The following STK32C variants were observed in gnomAD, a reference collection of about 807,000 sequenced individuals.
The protein encoded by STK32C is serine/threonine kinase 32C.
STK32C carries 31 observed loss-of-function variants against 56.5 expected under a neutral mutation model. The observed-to-expected ratio is 0.55, with a 90% CI of 0.41 to 0.74. The LOEUF is 0.74. Ranked by LOEUF, STK32C falls within the 30% of genes least tolerant of loss-of-function variation. STK32C has a pLI of 0.00. For synonymous variants in STK32C, 309 were observed against 289.4 expected, an observed-to-expected ratio of 1.07 and a Z score of -0.69; for missense variants, 544 against 676.9, an observed-to-expected ratio of 0.80 and a Z score of 2.18.
intron 1 of STK32C, among the ~76,000 whole-genome samples, chr10:132,246,995 A>G (rs2063716723): frequency 6.6e-6 from 1 of 152,118 alleles, no homozygotes; most frequent in Admixed American, 6.5e-5. Context: ...CATTTCACCT[A>G]TTTACCCACT....
At chr10:132,224,275 T>C in intron 8 of STK32C, 132 bp downstream of exon 8, 1 of 689,478 alleles carries the variant, frequency 1.5e-6, no homozygotes. Flanking sequence ...CCCCACAGGT[T>C]GCAGTGAAGG....
At chr10:132,311,616 C>T (rs899327001), upstream of STK32C, among the ~76,000 whole-genome samples, 5 of 152,210 alleles carry the variant, frequency 3.3e-5, no homozygotes, top group Non-Finnish European at 5.9e-5. The surrounding 1 kb of genome is among the most constrained non-coding windows in gnomAD (Gnocchi z 4.4). Flanking sequence ...TAGGAAGGAG[C>T]CCTCGCCCCC....
In STK32C at chr10:132,251,587, A is replaced by G. The variant is rs550028196; in HGVS notation, c.263-5632T>C. Among the ~76,000 whole-genome samples, 65 of 152,178 alleles carry G rather than the reference A, an allele frequency of 4.3e-4. No individual in the cohort carries two copies. In the South Asian group the frequency reaches 0.012, roughly 28 times the overall value. ...CCCTCAGGACTTGGGTGAGCACCCC[A>G]AGAGGGTGGTGGGTGCCCACCTCAG... On this transcript the variant is annotated intron_variant, in intron 1 of 11. Coordinates refer to ENST00000298630, the MANE Select transcript of STK32C (RefSeq NM_173575.4).
At position 132,222,780 on chromosome 10, in the gene STK32C, G is replaced by A. The variant is rs777024846; in HGVS notation, c.1120-8C>T. 2.1e-5 allele frequency: 33 copies of A among 1,597,940 alleles called. No individual in the cohort carries two copies. Among genetic ancestry groups the A allele is most frequent in the Non-Finnish European group, 2.7e-5 (32 of 1,172,714 alleles). ...GCAGTGCAGACGGCCTTTCTACAGA[G>A]GGATGGGTGCTGAGCCCCGGCCCGT... On this transcript the variant is annotated splice_polypyrimidine_tract_variant and splice_region_variant and intron_variant, in intron 9 of 11. Coordinates refer to ENST00000298630, the MANE Select transcript of STK32C (RefSeq NM_173575.4).
chr10:132,298,161 C>A (rs533356424), intron 1 of STK32C, among the ~76,000 whole-genome samples: 1 of 152,226 alleles, frequency 6.6e-6, no homozygotes, highest in Non-Finnish European at 1.5e-5. Context: ...ACAGCCCGGC[C>A]GACCCGCAGC....
intron 2 of STK32C, among the ~76,000 whole-genome samples, chr10:132,231,459 G>A (rs898574395): frequency 4.6e-5 from 7 of 152,236 alleles, no homozygotes; most frequent in African/African-American, 1.7e-4. Context: ...AGAAAAGCTT[G>A]CAAGTCTTCC....
At chr10:132,305,118 AC>A (rs1262980503) in intron 1 of STK32C, among the ~76,000 whole-genome samples, 1 of 152,184 alleles carries the variant, frequency 6.6e-6, no homozygotes, top group Non-Finnish European at 1.5e-5. Context: ...ACCAAGTTCA[AC>A]CCCAAAAATG....
intron 1 of STK32C, among the ~76,000 whole-genome samples, chr10:132,300,763 C>T (rs1590445174): frequency 6.6e-6 from 1 of 152,146 alleles, no homozygotes; most frequent in African/African-American, 2.4e-5. Context: ...CCCCGGGTGG[C>T]CACTCGCCCC....
rs1287184324 is a variant in STK32C, at chr10:132,296,273, A to T, written c.262+11299T>A. Among the ~76,000 whole-genome samples the T allele has an allele frequency of 5.3e-4, 81 of 151,982 alleles. 4 individuals carry two copies. The stretch of plus-strand genomic sequence containing the variant: ...AAACGGTCACAGCACGGAGTAGACT[A>T]AGGCGCCAGGAGACTCATGTAACAC... On this transcript the variant is annotated intron_variant, in intron 1 of 11. Transcript: ENST00000298630.
intron 1 of STK32C, among the ~76,000 whole-genome samples, chr10:132,263,617 G>C (rs1002491843): frequency 6.6e-5 from 10 of 151,948 alleles, no homozygotes; most frequent in Non-Finnish European, 1.0e-4. Context: ...CAGCATTTTG[G>C]GAGGCAGAGG....
intron 1 of STK32C, among the ~76,000 whole-genome samples, chr10:132,301,230 C>G (rs915723261): frequency 6.6e-6 from 1 of 150,884 alleles, no homozygotes. Flanking sequence ...CTAACGTGAA[C>G]CCAGATTCAG....
At chr10:132,277,050 GAAGT>G (rs1022702997) in intron 1 of STK32C, among the ~76,000 whole-genome samples, 4 of 152,256 alleles carry the variant, frequency 2.6e-5, no homozygotes, top group African/African-American at 9.6e-5. Context: ...CAACTGAATT[GAAGT>G]AAGGAAAGGC....
chr10:132,327,477 C>T (rs1383836899), intron 1 of STK32C, among the ~76,000 whole-genome samples: 2 of 151,742 alleles, frequency 1.3e-5, no homozygotes, highest in East Asian at 1.9e-4. Flanking sequence ...TTATTTAAAA[C>T]AAATTTTTTT....
chr10:132,228,128 C>T lies in STK32C; in HGVS notation c.319G>A (p.Val107Met), dbSNP rs1281897358. 1 of 1,613,848 alleles carries T rather than the reference C, an allele frequency of 6.2e-7. No individual in the cohort carries two copies. The highest frequency in any genetic ancestry group is 8.5e-7 in the Non-Finnish European group (1 of 1,180,036). The change falls in exon 3 of 12, where the codon GTG becomes ATG. Residue 107 changes from valine (V) to methionine (M), a missense_variant and splice_region_variant. Transcript: ENST00000298630. ...GTGTCCCGCTTCTGCACAATGCACA[C>T]CTGGAGGGCACAGGGCTGTTCGGCA... ...RAIGKGSFGK[V>M]CIVQKRDTEK...
Position 132,295,524 on chromosome 10 carries a change from C to G in STK32C, c.262+12048G>C, listed in dbSNP as rs188869174. ...TTACAACCAGCGTGTAAAATCAGCA[C>G]CCATGAGTCTACAGTGATATCAATG... is the stretch of plus-strand genomic sequence containing the variant. On this transcript the variant is annotated intron_variant, in intron 1 of 11. Transcript: ENST00000298630. Among the ~76,000 whole-genome samples the G allele has an allele frequency of 2.9e-3, 440 of 152,310 alleles. 1 individual carries two copies. The highest frequency in any genetic ancestry group is 2.8e-3 in the Non-Finnish European group (188 of 68,038).
At chr10:132,230,719 G>A (rs374523583) in intron 2 of STK32C, among the ~76,000 whole-genome samples, 30 of 148,296 alleles carry the variant, frequency 2.0e-4, no homozygotes, top group African/African-American at 6.5e-4. Context: ...TGCCTGGAGC[G>A]GCGCCAGCAC....
At chr10:132,328,141 G>C (rs1186329608) in intron 1 of STK32C, among the ~76,000 whole-genome samples, 1 of 152,132 alleles carries the variant, frequency 6.6e-6, no homozygotes, top group Non-Finnish European at 1.5e-5. Context: ...CAGGAGACCG[G>C]AGTTCTACTA....
chr10:132,283,824 C>T (rs575468800), intron 1 of STK32C, among the ~76,000 whole-genome samples: 2 of 152,322 alleles, frequency 1.3e-5, no homozygotes, highest in Non-Finnish European at 2.9e-5. Context: ...TGTGGCTCCA[C>T]TTCTCCCCAC....
upstream of STK32C, chr10:132,331,901 C>A: frequency 1.1e-6 from 1 of 911,790 alleles, no homozygotes; most frequent in South Asian, 1.8e-5. Context: ...GCCACCCCCG[C>A]GCAGGCGCAC....
Sources: allele counts gnomAD v4.1 joint callset (sites outside exome capture counted in the v4.1 genomes callset), GRCh38; gene constraint gnomAD v4.1.1; non-coding constraint Gnocchi (gnomAD v3.1); transcripts MANE v1.5; gene names NCBI Gene and HGNC (gene_info 2026-07-23, HGNC 2026-07-21).